The following FBN2 variants were observed in gnomAD, a reference collection of about 807,000 sequenced individuals.
The protein encoded by FBN2 is fibrillin 2.
In FBN2, 105 loss-of-function variants were observed where a neutral mutation model predicts 355.6. That is an observed-to-expected ratio of 0.30 (90% CI 0.25 to 0.35). The LOEUF (loss-of-function observed/expected upper bound fraction) is 0.35, where lower values mean the gene tolerates loss of function less well. FBN2 is among the 10% of genes least tolerant of loss of function. FBN2 has a pLI of 1.00. For missense variants in FBN2, 3,280 were observed against 3,758.7 expected, an observed-to-expected ratio of 0.87 and a Z score of 3.33; for synonymous variants, 1,350 against 1,301.2, an observed-to-expected ratio of 1.04 and a Z score of -0.81.
intron 11 of FBN2, among the ~76,000 whole-genome samples, chr5:128,379,559 T>C (rs1752174923): frequency 6.6e-6 from 1 of 152,152 alleles, no homozygotes; most frequent in African/African-American, 2.4e-5. Flanking sequence ...TGAAGTTTTA[T>C]GCAAATACTA....
chr5:128,480,629 G>C lies in FBN2; in HGVS notation c.629-15708C>G, dbSNP rs111327995. 5.0e-4 allele frequency among the ~76,000 whole-genome samples: 76 copies of C among 152,306 alleles called. 1 individual carries two copies. Among genetic ancestry groups the C allele is most frequent in the African/African-American group, 1.8e-3 (74 of 41,578 alleles). ...GGAGGCTGAGGTGGGAGAATGGCTT[G>C]AACCCGGGAGGCAGAGGTTGCAGTG... is the stretch of plus-strand genomic sequence containing the variant. On this transcript the variant is annotated intron_variant, in intron 5 of 64. Transcript: ENST00000262464.
rs1478868485 is a variant in FBN2 at position 128,276,154 on chromosome 5, T to C, written c.7478A>G (p.Asp2493Gly). The change falls in exon 59 of 65, where the codon GAT (aspartate) becomes GGT (glycine). Residue 2493 changes from aspartate (D) to glycine (G), a missense_variant. Physicochemically the swap from Asp to Gly is moderately conservative, Grantham distance 94. Around this residue, in one of 6 missense-constraint regions of FBN2, gnomAD observed 2,284 missense variants for 2,749.5 expected, o/e 0.83. Transcript: ENST00000262464. ...DISGTSCIDL[D>G]ECSQSPKPCN... ...TGGTTTCGGGGACTGGGAGCATTCA[T>C]CAAGGTCTAAGTAAAAGTGATGTGA... is the stretch of plus-strand genomic sequence containing the variant. 6.2e-7 allele frequency: 1 copy of C among 1,613,708 alleles called. No individual in the cohort carries two copies. Among genetic ancestry groups the C allele is most frequent in the South Asian group, 1.1e-5 (1 of 91,070 alleles).
intron 20 of FBN2, among the ~76,000 whole-genome samples, chr5:128,355,901 T>C (rs971114899): frequency 2.0e-5 from 3 of 152,196 alleles, no homozygotes; most frequent in African/African-American, 7.2e-5. Context: ...AAAAAGTCTT[T>C]GTTCTTGTTT....
At position 128,531,660 on chromosome 5, in the gene FBN2, A is replaced by G. The variant is rs527238808; in HGVS notation, c.338-967T>C. Among the ~76,000 whole-genome samples, 3 of 151,696 alleles carry G rather than the reference A, an allele frequency of 2.0e-5. No homozygotes were observed. The East Asian group carries it at 5.8e-4, about 29-fold the overall frequency. On this transcript the variant is annotated intron_variant, in intron 2 of 64. Coordinates refer to ENST00000262464, the MANE Select transcript of FBN2 (RefSeq NM_001999.4). ...GGCTTTTTAAGTTTAAAATACATAT[A>G]TATGTGTGCGTGTGTGTGTATATAT...
At chr5:128,362,651 G>A (rs1476648741) in intron 18 of FBN2, among the ~76,000 whole-genome samples, 1 of 152,126 alleles carries the variant, frequency 6.6e-6, no homozygotes, top group African/African-American at 2.4e-5. Context: ...TTTTTTTAGA[G>A]ATGGGATCTC....
chr5:128,525,364 T>G (rs1453228933), intron 4 of FBN2, among the ~76,000 whole-genome samples: 1 of 152,186 alleles, frequency 6.6e-6, no homozygotes, highest in Non-Finnish European at 1.5e-5. Flanking sequence ...AATCTATCTT[T>G]TTATGAATAC....
chr5:128,371,862 T>A (rs554579782), intron 15 of FBN2, among the ~76,000 whole-genome samples: 1 of 152,278 alleles, frequency 6.6e-6, no homozygotes, highest in South Asian at 2.1e-4. Context: ...TGAAAAGATT[T>A]AAAAATTTCT....
Position 128,537,527 on chromosome 5 carries a change from G to T in FBN2, c.77C>A (p.Thr26Lys). Residue 26 changes from threonine to lysine, a missense_variant, in exon 1 of 65, where the codon ACG becomes AAG. Transcript: ENST00000262464. ...CGGAGGAGGCTGAGGCTGGCCGGCC[G>T]TGCCCTGCGCCCAGAGCACCACACA... Reference protein sequence around the residue: ...LGCVVLWAQGTAGQPQPPPPK... With the variant: ...LGCVVLWAQGKAGQPQPPPPK... 2 of 1,582,156 alleles carry T rather than the reference G, an allele frequency of 1.3e-6. No homozygotes were observed. Among genetic ancestry groups the T allele is most frequent in the Non-Finnish European group, 8.6e-7 (1 of 1,167,052 alleles).
At chr5:128,310,396 ATATATATTTTTTTTTTTT>A (rs1356082020) in intron 39 of FBN2, among the ~76,000 whole-genome samples, 8 of 18,416 alleles carry the variant, frequency 4.3e-4, no homozygotes, top group African/African-American at 1.6e-3. Context: ...ATATATATAT[ATATATATTTTTTTTTTTT>A]TTTTTTTATT....
chr5:128,331,685 G>A (rs893474583), intron 32 of FBN2, among the ~76,000 whole-genome samples: 13 of 152,228 alleles, frequency 8.5e-5, no homozygotes, highest in Non-Finnish European at 1.6e-4. Flanking sequence ...CAGACACGAA[G>A]AGCGAGGGCA....
At chr5:128,378,096 G>T (rs1409389705) in intron 12 of FBN2, among the ~76,000 whole-genome samples, 1 of 150,972 alleles carries the variant, frequency 6.6e-6, no homozygotes, top group Non-Finnish European at 1.5e-5. Flanking sequence ...AAAAAAGAGG[G>T]TATCCAGTAA....
intron 6 of FBN2, among the ~76,000 whole-genome samples, chr5:128,456,316 G>C (rs371771526): frequency 1.3e-4 from 20 of 152,142 alleles, no homozygotes; most frequent in African/African-American, 4.3e-4. Flanking sequence ...GAGCCCCTAG[G>C]GGGAGGGGTG....
chr5:128,308,543 T>C (rs561956611), intron 41 of FBN2, among the ~76,000 whole-genome samples: 2 of 152,306 alleles, frequency 1.3e-5, no homozygotes, highest in African/African-American at 4.8e-5. Context: ...CTGGTTCAAC[T>C]CTTAGTATCT....
At chr5:128,412,286 C>G (rs563742773) in intron 7 of FBN2, among the ~76,000 whole-genome samples, 1 of 152,238 alleles carries the variant, frequency 6.6e-6, no homozygotes, top group Non-Finnish European at 1.5e-5. Context: ...TTGACTTGAG[C>G]TGCCTTCCCT....
intron 5 of FBN2, among the ~76,000 whole-genome samples, chr5:128,478,385 A>C (rs1024814860): frequency 1.9e-4 from 29 of 152,246 alleles, no homozygotes; most frequent in Admixed American, 4.6e-4. Context: ...CATGTATAAA[A>C]GCATTTTCAG....
At chr5:128,298,491 G>C (rs1354226346) in intron 48 of FBN2, among the ~76,000 whole-genome samples, 3 of 151,826 alleles carry the variant, frequency 2.0e-5, no homozygotes. Flanking sequence ...ACGTAGATTT[G>C]GTCTTTTCAC....
Position 128,259,168 on chromosome 5 carries a change from A to T in FBN2, c.*287T>A. On this transcript the variant is annotated 3_prime_UTR_variant, in exon 65 of 65. Coordinates refer to ENST00000262464, the MANE Select transcript of FBN2 (RefSeq NM_001999.4). Reference sequence around the variant, plus strand: ...AAGCTCACATTATTTTTGTGCATTTAGTGCCATATGCTGATATCTTGAACA... The same window carrying T: ...AAGCTCACATTATTTTTGTGCATTTTGTGCCATATGCTGATATCTTGAACA... 3.0e-6 allele frequency: 1 copy of T among 336,082 alleles called. No individual in the cohort carries two copies. The highest frequency in any genetic ancestry group is 5.5e-6 in the Non-Finnish European group (1 of 182,570). 20.8% of individuals were successfully genotyped at this position (336,082 alleles called of 1,614,324 possible).
chr5:128,496,950 T>C (rs1244624726), intron 5 of FBN2, among the ~76,000 whole-genome samples: 1 of 151,954 alleles, frequency 6.6e-6, no homozygotes, highest in African/African-American at 2.4e-5. Context: ...TCTATTACAA[T>C]AGCACTAAAA....
chr5:128,536,507 C>A (rs748215864), intron 1 of FBN2, 23 bp from the exon 2 acceptor site: 3 of 1,586,116 alleles, frequency 1.9e-6, no homozygotes, highest in Admixed American at 3.4e-5. Flanking sequence ...AGCGCGGTCA[C>A]GTAACAGATA....
Sources: allele counts gnomAD v4.1 joint callset (sites outside exome capture counted in the v4.1 genomes callset), GRCh38; gene constraint gnomAD v4.1.1; regional missense constraint gnomAD v4.1.1; transcripts MANE v1.5; gene names NCBI Gene and HGNC (gene_info 2026-07-23, HGNC 2026-07-21).